MMP19: variants seen among roughly 807,000 people sequenced by gnomAD.
MMP19 encodes matrix metallopeptidase 19.
MMP19 carries 47 observed loss-of-function variants against 46.6 expected under a neutral mutation model. The observed-to-expected ratio is 1.01, with a 90% confidence interval of 0.80 to 1.29. The LOEUF is 1.29. Ranked by LOEUF, MMP19 falls within the 50% of genes most tolerant of loss-of-function variation. MMP19 has a pLI of 0.00. For synonymous variants in MMP19, 222 were observed against 248.5 expected (o/e 0.89, Z 1.00); for missense variants, 589 against 643.5 (o/e 0.92, Z 0.92).
Position 55,837,650 on chromosome 12 carries a change from T to A in MMP19, c.1093A>T (p.Met365Leu). 6.2e-7 allele frequency: 1 copy of A among 1,614,164 alleles called. No individual in the cohort carries two copies. Among genetic ancestry groups the A allele is most frequent in the East Asian group, 2.2e-5 (1 of 44,884 alleles). Residue 365 changes from methionine (M) to leucine (L), a missense_variant, in exon 8 of 9, where the codon ATG (methionine) becomes TTG (leucine). By Grantham distance (15) the Met-to-Leu change is conservative. Transcript: ENST00000322569. ...DKVWRYINFKMSPGFPKKLNR... is the reference protein window; with the variant it reads ...DKVWRYINFKLSPGFPKKLNR... Reference sequence around the variant, plus strand: ...AGCTTCTTGGGGAAGCCAGGAGACATCTTGAAATTAATGTAGCGCCACACC... The same window carrying A: ...AGCTTCTTGGGGAAGCCAGGAGACAACTTGAAATTAATGTAGCGCCACACC...
chr12:55,842,701 C>T (rs753527824), intron 1 of MMP19, 43 bp downstream of exon 1: 1 of 1,503,194 alleles, frequency 6.7e-7, no homozygotes, highest in South Asian at 1.2e-5. Flanking sequence ...AGCAGTAACC[C>T]CTGTCCCTCC....
chr12:55,839,484 G>T lies in MMP19; in HGVS notation c.766+12C>A. The T allele has an allele frequency of 1.3e-6, 2 of 1,597,742 alleles. No homozygotes were observed. The highest frequency in any genetic ancestry group is 2.2e-5 in the East Asian group (1 of 44,528). ...AGACTGACCCTCCCCCTCACTAGGG[G>T]GAGGGACTGACCATAGAGAGCCTGG... is the stretch of plus-strand genomic sequence containing the variant. On this transcript the variant is annotated intron_variant, in intron 5 of 8. Coordinates refer to ENST00000322569, the MANE Select transcript of MMP19 (RefSeq NM_002429.6).
At position 55,840,131 on chromosome 12, in the gene MMP19, G is replaced by A. The variant is rs1302332651; in HGVS notation, c.521-390C>T. The stretch of plus-strand genomic sequence containing the variant: ...GCTTGAGTACAGGAGTTTAAGACCA[G>A]CCTGGGCAACATAGCAAAACTTCAT... On this transcript the variant is annotated intron_variant, in intron 4 of 8. Coordinates refer to ENST00000322569, the MANE Select transcript of MMP19 (RefSeq NM_002429.6). 1.9e-5 allele frequency: 4 copies of A among 207,734 alleles called. No homozygotes were observed. The Admixed American group carries it at 2.1e-4, about 11-fold the overall frequency. The allele number at this position is 207,734 out of a possible 1,614,324, so 12.9% of individuals were successfully genotyped here. A position where few individuals can be genotyped will look rare whatever the true frequency, so the allele number is the denominator to read the frequency against.
At chr12:55,842,208 C>T (rs1881744403) in intron 2 of MMP19, 145 bp downstream of exon 2, 5 of 655,520 alleles carry the variant, frequency 7.6e-6, no homozygotes, top group South Asian at 3.6e-5. Flanking sequence ...CCATGCCCCA[C>T]CACCATAATA....
At chr12:55,841,510 T>TCTTCCTTCCTTC (rs10538119) in intron 2 of MMP19, 4,801 of 187,980 alleles carry the variant, frequency 0.026, 115 homozygotes, top group East Asian at 0.071. Flanking sequence ...TCTACTGCAA[T>TCTTCCTTCCTTC]CTTCCTTCCT....
rs1250540823 is a variant in MMP19 at position 55,837,553 on chromosome 12, A to G, written c.1188+2T>C. On this transcript the variant is annotated splice_donor_variant, in intron 8 of 8. Transcript: ENST00000322569. LOFTEE classifies it high-confidence loss of function. Reference sequence around the variant, plus strand: ...GATTTGCCCTTGCTTTGAACTTTATACCTTAAAGAGGAACACCTTTTGGTT... The same window carrying G: ...GATTTGCCCTTGCTTTGAACTTTATGCCTTAAAGAGGAACACCTTTTGGTT... 6.2e-7 allele frequency: 1 copy of G among 1,614,092 alleles called. No homozygotes were observed. The highest frequency in any genetic ancestry group is 2.2e-5 in the East Asian group (1 of 44,880).
At position 55,835,781 on chromosome 12, in the gene MMP19, T is replaced by C. The variant is rs887497015; in HGVS notation, c.*1255A>G. ...GTTTGGCCTTTCCCCCTGGGCCCCA[T>C]AGGCTTAAACTACCCCCACCCCCAC... On this transcript the variant is annotated 3_prime_UTR_variant, in exon 9 of 9. Coordinates refer to ENST00000322569, the MANE Select transcript of MMP19 (RefSeq NM_002429.6). The C allele has an allele frequency of 6.6e-6, 1 of 151,800 alleles. No individual in the cohort carries two copies. Among genetic ancestry groups the C allele is most frequent in the African/African-American group, 2.4e-5 (1 of 41,282 alleles). 9.4% of individuals were successfully genotyped at this position (151,800 alleles called of 1,614,324 possible).
At chr12:55,841,510 T>TCTTCCTTC (rs10538119) in intron 2 of MMP19, 25,038 of 187,784 alleles carry the variant, frequency 0.13, 1,997 homozygotes, top group Admixed American at 0.18. Context: ...TCTACTGCAA[T>TCTTCCTTC]CTTCCTTCCT....
In MMP19 at chr12:55,842,860, G is replaced by T; in HGVS notation, c.-30C>A. On this transcript the variant is annotated 5_prime_UTR_variant, in exon 1 of 9. Coordinates refer to ENST00000322569, the MANE Select transcript of MMP19 (RefSeq NM_002429.6). The stretch of plus-strand genomic sequence containing the variant: ...CCACCAGACGAGAGCTCCAGAGGCT[G>T]TCCGTGCCTCTGACCTGAGATTTCT... The T allele has an allele frequency of 6.5e-7, 1 of 1,544,452 alleles. No homozygotes were observed. Among genetic ancestry groups the T allele is most frequent in the Non-Finnish European group, 8.8e-7 (1 of 1,135,822 alleles).
chr12:55,839,647 G>C lies in MMP19; in HGVS notation c.615C>G (p.Asn205Lys). The C allele has an allele frequency of 6.2e-7, 1 of 1,614,234 alleles. No homozygotes were observed. Reference sequence around the variant, plus strand: ...CTTCATGGGCTGCAATGATGCGCAGGTTCACCCCACGGTAGGTCCCCTCAG... The same window carrying C: ...CTTCATGGGCTGCAATGATGCGCAGCTTCACCCCACGGTAGGTCCCCTCAG... ...FWTEGTYRGV[N>K]LRIIAAHEVG... Residue 205 changes from asparagine (N) to lysine (K), a missense_variant, in exon 5 of 9, where the codon AAC becomes AAG. Coordinates refer to ENST00000322569, the MANE Select transcript of MMP19 (RefSeq NM_002429.6).
rs1395024026 is a variant in MMP19, at chr12:55,839,517, C to A, written c.745G>T (p.Ala249Ser). 17 of 1,610,960 alleles carry A rather than the reference C, an allele frequency of 1.1e-5. No homozygotes were observed. The highest frequency in any genetic ancestry group is 1.4e-5 in the Non-Finnish European group (16 of 1,177,416). ...PHFKLHPDDVAGIQALYGKKS... is the reference protein window; with the variant it reads ...PHFKLHPDDVSGIQALYGKKS... ...TGACCATAGAGAGCCTGGATCCCTG[C>A]CACATCATCTGGGTGCAGCTTAAAG... is the stretch of plus-strand genomic sequence containing the variant. Residue 249 changes from alanine (A) to serine (S), a missense_variant, in exon 5 of 9, where the codon GCA (alanine) becomes TCA (serine). By Grantham distance (99) the Ala-to-Ser change is moderately conservative. Coordinates refer to ENST00000322569, the MANE Select transcript of MMP19 (RefSeq NM_002429.6).
chr12:55,839,377 T>A (rs546348035), intron 5 of MMP19, 119 bp downstream of exon 5: 259 of 1,278,752 alleles, frequency 2.0e-4, no homozygotes, highest in Non-Finnish European at 2.5e-4. Flanking sequence ...CCTGAGTAAC[T>A]GGGCTGGAGG....
At chr12:55,840,992 CACCAGG>C (rs1275734326) in intron 3 of MMP19, 108 bp downstream of exon 3, 2 of 1,540,458 alleles carry the variant, frequency 1.3e-6, no homozygotes, top group Non-Finnish European at 1.8e-6. Flanking sequence ...ACCAGGTAAT[CACCAGG>C]TGATTATCTA....
rs1402834170 is a variant in MMP19, at chr12:55,838,622, C to T, written c.879G>A (p.Leu293=). The part of the protein sequence containing the change: ...SPMPDPCSSE[L]DAMMLGPRGK... ...GGGCCTCACCCAGCATCATGGCATC[C>T]AGTTCACTACTGCAAGGGTCTGGCA... is the stretch of plus-strand genomic sequence containing the variant. The change falls in exon 6 of 9, where the codon CTG becomes CTA. Residue 293 remains leucine, a synonymous_variant. Coordinates refer to ENST00000322569, the MANE Select transcript of MMP19 (RefSeq NM_002429.6). 4 of 1,614,086 alleles carry T rather than the reference C, an allele frequency of 2.5e-6. No individual in the cohort carries two copies. Among genetic ancestry groups the T allele is most frequent in the Admixed American group, 3.3e-5 (2 of 60,006 alleles).
rs1181510936 is a variant in MMP19 at position 55,837,223 on chromosome 12, A to T, written c.1340T>A (p.Val447Asp). 5 of 1,614,214 alleles carry T rather than the reference A, an allele frequency of 3.1e-6. No individual in the cohort carries two copies. The highest frequency in any genetic ancestry group is 4.2e-6 in the Non-Finnish European group (5 of 1,180,026). ...AAGCTGCTGGTTGAGGCGCCAGTAG[A>T]CTTTGCCCTTGAAGAAGTAGACTCG... ...DGRVYFFKGK[V>D]YWRLNQQLRV... The change falls in exon 9 of 9, where the codon GTC becomes GAC. Residue 447 changes from valine (V) to aspartate (D), a missense_variant. Coordinates refer to ENST00000322569, the MANE Select transcript of MMP19 (RefSeq NM_002429.6).
chr12:55,838,587 T>C lies in MMP19; in HGVS notation c.895+19A>G. 4 of 1,614,144 alleles carry C rather than the reference T, an allele frequency of 2.5e-6. No individual in the cohort carries two copies. Among genetic ancestry groups the C allele is most frequent in the Non-Finnish European group, 3.4e-6 (4 of 1,180,028 alleles). On this transcript the variant is annotated intron_variant, in intron 6 of 8. Coordinates refer to ENST00000322569, the MANE Select transcript of MMP19 (RefSeq NM_002429.6). ...CTGCCCCCACCGCCTGCCAACAGCC[T>C]GGAGGGGAGGGGCCTCACCCAGCAT...
Position 55,837,184 on chromosome 12 carries a change from C to A in MMP19, c.1379G>T (p.Gly460Val), listed in dbSNP as rs778180464. Reference protein sequence around the residue: ...RLNQQLRVEKGYPRNISHNWM... With the variant: ...RLNQQLRVEKVYPRNISHNWM... ...GTTGTGGGAAATATTTCTGGGATAG[C>A]CTTTCTCTACTCGAAGCTGCTGGTT... The change falls in exon 9 of 9, where the codon GGC (glycine) becomes GTC (valine). Residue 460 changes from glycine to valine, a missense_variant. Coordinates refer to ENST00000322569, the MANE Select transcript of MMP19 (RefSeq NM_002429.6). 8.1e-6 allele frequency: 13 copies of A among 1,614,160 alleles called. 1 individual carries two copies. Among genetic ancestry groups the A allele is most frequent in the Middle Eastern group, 1.6e-4 (1 of 6,062 alleles).
rs1001637184 is a variant in MMP19, at chr12:55,842,776, G to A, written c.55C>T (p.Arg19Trp). The A allele has an allele frequency of 1.2e-5, 20 of 1,607,680 alleles. No individual in the cohort carries two copies. The highest frequency in any genetic ancestry group is 1.6e-5 in the Non-Finnish European group (19 of 1,177,374). The change falls in exon 1 of 9, where the codon CGG becomes TGG. Residue 19 changes from arginine (R) to tryptophan (W), a missense_variant. By Grantham distance (101) the Arg-to-Trp change is moderately radical. Coordinates refer to ENST00000322569, the MANE Select transcript of MMP19 (RefSeq NM_002429.6). The stretch of plus-strand genomic sequence containing the variant: ...GCCACCTCTGCAAGCCCCAGGACCC[G>A]GCCTGAGACTGTCATGGGGAGTAGG... ...GFLLPMTVSG[R>W]VLGLAEVAPV... is the part of the protein sequence containing the mutation.
intron 3 of MMP19, 59 bp downstream of exon 3, chr12:55,841,047 C>T (rs1259015205): frequency 2.5e-6 from 4 of 1,593,258 alleles, no homozygotes; most frequent in African/African-American, 2.7e-5. Flanking sequence ...TAATGCCACC[C>T]ACACGCCAGA....
Sources: allele counts gnomAD v4.1 joint callset, GRCh38; gene constraint gnomAD v4.1.1; transcripts MANE v1.5; gene names NCBI Gene and HGNC (gene_info 2026-07-23, HGNC 2026-07-21).